The following LAMA1 variants were observed in gnomAD, a reference collection of about 807,000 sequenced individuals.
LAMA1 encodes the protein laminin subunit alpha 1.
Under a neutral mutation model 348.7 loss-of-function variants are expected in LAMA1, and 219 were observed. That is an observed-to-expected ratio of 0.63 (90% CI 0.56 to 0.70). The LOEUF is 0.70. Ranked by LOEUF, LAMA1 falls within the 30% of genes least tolerant of loss-of-function variation. The pLI is 0.00. For synonymous variants in LAMA1, 1,487 were observed against 1,491.0 expected (o/e 1.00, Z 0.06); for missense variants, 3,744 against 3,888.0 (o/e 0.96, Z 0.99).
chr18:7,021,828 A>ATATATAAT (rs752910480), intron 19 of LAMA1, among the ~76,000 whole-genome samples: 1 of 138,010 alleles, frequency 7.2e-6, no homozygotes. Flanking sequence ...TATATTATAT[A>ATATATAAT]ATATAATAAT....
chr18:7,085,553 G>A (rs1184964015), intron 1 of LAMA1, among the ~76,000 whole-genome samples: 2 of 151,234 alleles, frequency 1.3e-5, no homozygotes, highest in Non-Finnish European at 2.9e-5. Flanking sequence ...AGAGTAGCTG[G>A]GACTATAGGC....
At chr18:7,113,028 C>CACT (rs1254942783) in intron 1 of LAMA1, among the ~76,000 whole-genome samples, 1 of 152,196 alleles carries the variant, frequency 6.6e-6, no homozygotes, top group African/African-American at 2.4e-5. Flanking sequence ...CTGCTAGAAA[C>CACT]ACTGCAAAGC....
At chr18:7,035,427 A>AAT (rs113064494) in intron 13 of LAMA1, among the ~76,000 whole-genome samples, 7,506 of 148,028 alleles carry the variant, frequency 0.051, 605 homozygotes, top group African/African-American at 0.18. Context: ...TTTACTTAAA[A>AAT]TTTTTTTTTT....
intron 4 of LAMA1, 67 bp downstream of exon 4, chr18:7,050,627 T>C: frequency 1.4e-5 from 23 of 1,609,922 alleles, no homozygotes; most frequent in Non-Finnish European, 2.0e-5. Flanking sequence ...GAGAGATCAA[T>C]TTTGAGTCTG....
At chr18:7,023,931 C>G (rs1203054188) in intron 18 of LAMA1, among the ~76,000 whole-genome samples, 2 of 152,156 alleles carry the variant, frequency 1.3e-5, no homozygotes, top group African/African-American at 4.8e-5. Flanking sequence ...CTCCACCTCC[C>G]AGGTTCAAGT....
chr18:6,983,651 C>A (rs1278870019), intron 39 of LAMA1, among the ~76,000 whole-genome samples: 1 of 152,190 alleles, frequency 6.6e-6, no homozygotes. Context: ...TCTAAGCATA[C>A]CTGAGGCCGC....
intron 61 of LAMA1, among the ~76,000 whole-genome samples, chr18:6,946,700 C>T (rs1156879148): frequency 3.9e-5 from 6 of 152,082 alleles, no homozygotes; most frequent in African/African-American, 1.2e-4. Context: ...GCTTGGGCAA[C>T]AAGAGCGAAA....
At chr18:6,965,147 T>C in intron 50 of LAMA1, 141 bp downstream of exon 50, 1 of 1,096,986 alleles carries the variant, frequency 9.1e-7, no homozygotes, top group Non-Finnish European at 1.4e-6. Flanking sequence ...TTGGTTAGTA[T>C]TCCAAAGACA....
chr18:7,015,517 C>T (rs189617956), intron 22 of LAMA1, among the ~76,000 whole-genome samples: 154 of 150,324 alleles, frequency 1.0e-3, no homozygotes, highest in African/African-American at 3.6e-3. Flanking sequence ...TGGCTTCAAA[C>T]GATCCTCCTG....
At chr18:7,041,843 C>A (rs1598294066) in intron 9 of LAMA1, among the ~76,000 whole-genome samples, 1 of 152,308 alleles carries the variant, frequency 6.6e-6, no homozygotes, top group South Asian at 2.1e-4. Flanking sequence ...CCATCTCCCT[C>A]CATTCATGAG....
At chr18:7,073,737 G>C (rs1374796761) in intron 3 of LAMA1, among the ~76,000 whole-genome samples, 1 of 152,028 alleles carries the variant, frequency 6.6e-6, no homozygotes, top group Non-Finnish European at 1.5e-5. Flanking sequence ...ATCTGTTTGA[G>C]TCCCTACTTT....
intron 45 of LAMA1, 74 bp downstream of exon 45, chr18:6,975,863 A>T: frequency 6.3e-7 from 1 of 1,587,120 alleles, no homozygotes; most frequent in Non-Finnish European, 8.6e-7. Context: ...TTTTTCGTCA[A>T]ATAAGTGAAA....
intron 34 of LAMA1, among the ~76,000 whole-genome samples, chr18:6,993,956 T>G (rs575478108): frequency 1.3e-5 from 2 of 152,270 alleles, no homozygotes; most frequent in African/African-American, 4.8e-5. Context: ...ATGAAATAAT[T>G]TACAACTCAC....
chr18:7,073,938 T>G (rs2058156469), intron 3 of LAMA1, among the ~76,000 whole-genome samples: 1 of 125,540 alleles, frequency 8.0e-6, no homozygotes. Flanking sequence ...GGGTTCAAGC[T>G]ATTCCCCTGC....
Position 6,948,497 on chromosome 18 carries a change from G to A in LAMA1, c.8616C>T (p.Asp2872=). 6.2e-7 allele frequency: 1 copy of A among 1,614,194 alleles called. No homozygotes were observed. Among genetic ancestry groups the A allele is most frequent in the Non-Finnish European group, 8.5e-7 (1 of 1,180,042 alleles). The change falls in exon 60 of 63, where the codon GAC becomes GAT. Residue 2872 remains aspartate (D), a synonymous_variant. Coordinates refer to ENST00000389658, the MANE Select transcript of LAMA1 (RefSeq NM_005559.4). The stretch of plus-strand genomic sequence containing the variant: ...TGAAGGCAGACACCGGGCTGTCCTT[G>A]TCCAGCTGTTTGCTGTTAACCGTCA... ...GDVTVNSKQL[D]KDSPVSAFTV... is the part of the protein sequence containing the mutation.
rs138951475 is a variant in LAMA1 at position 6,991,579 on chromosome 18, C to G, written c.5168+982G>C. ...CTAATTTTTGTATTTTTAGTAGAGA[C>G]GGGTTTTGCCTTGTTGGCCAGGCTG... On this transcript the variant is annotated intron_variant, in intron 36 of 62. Coordinates refer to ENST00000389658, the MANE Select transcript of LAMA1 (RefSeq NM_005559.4). Among the ~76,000 whole-genome samples the G allele has an allele frequency of 2.4e-3, 359 of 151,812 alleles. 1 individual carries two copies. The highest frequency in any genetic ancestry group is 8.0e-3 in the African/African-American group (331 of 41,426).
Position 6,942,384 on chromosome 18 carries a change from A to T in LAMA1, c.9068-145T>A, listed in dbSNP as rs1014963345. On this transcript the variant is annotated intron_variant, in intron 62 of 62. Coordinates refer to ENST00000389658, the MANE Select transcript of LAMA1 (RefSeq NM_005559.4). ...AAAATTAGGAGAATATCTTCCACAT[A>T]TGTGGTGTCAGTGACTAGCAGAATT... 3.5e-6 allele frequency: 3 copies of T among 867,030 alleles called. No individual in the cohort carries two copies. The African/African-American group carries it at 5.1e-5, about 15-fold the overall frequency. The allele number at this position is 867,030 out of a possible 1,614,324, so 53.7% of individuals were successfully genotyped here.
intron 26 of LAMA1, 68 bp from the exon 27 acceptor site, chr18:7,009,434 G>C (rs2057848809): frequency 6.5e-6 from 10 of 1,537,070 alleles, no homozygotes; most frequent in Non-Finnish European, 3.6e-6. Context: ...AACTTATAAA[G>C]AATAAATTCT....
intron 1 of LAMA1, among the ~76,000 whole-genome samples, chr18:7,109,541 T>C (rs867362719): frequency 9.2e-5 from 14 of 152,258 alleles, no homozygotes; most frequent in African/African-American, 2.9e-4. Flanking sequence ...TGTCCTGGGG[T>C]TGGTATATTG....
Sources: gnomAD v4.1 joint callset for allele counts (sites outside exome capture counted in the v4.1 genomes callset) on GRCh38, gnomAD v4.1.1 for gene constraint, MANE v1.5 for transcripts, NCBI Gene and HGNC (gene_info 2026-07-23, HGNC 2026-07-21) for gene names.